STARD9: variants seen among roughly 807,000 people sequenced by gnomAD.
The protein encoded by STARD9 is stAR-related lipid transfer protein 9.
Under a neutral mutation model 399.8 loss-of-function variants are expected in STARD9, and 346 were observed. That is an observed-to-expected ratio of 0.87 (90% CI 0.79 to 0.95). The LOEUF (loss-of-function observed/expected upper bound fraction) is 0.95. Ranked by LOEUF, STARD9 falls within the 40% of genes least tolerant of loss-of-function variation. The pLI, the probability that STARD9 is intolerant of heterozygous loss-of-function variation, is 0.00. For missense variants in STARD9, 5,832 were observed against 5,667.5 expected (o/e 1.03, Z -0.93); for synonymous variants, 2,203 against 2,143.5 (o/e 1.03, Z -0.77).
At chr15:42,615,192 TAGAG>T (rs1275589551) in intron 3 of STARD9, among the ~76,000 whole-genome samples, 2 of 151,880 alleles carry the variant, frequency 1.3e-5, no homozygotes, top group African/African-American at 2.4e-5. Context: ...GTATTTTTAG[TAGAG>T]AGAGCGTTTC....
rs2060799478 is a variant in STARD9, at chr15:42,694,616, C to T, written c.12853C>T (p.Gln4285Ter). 6.5e-7 allele frequency: 1 copy of T among 1,537,216 alleles called. No homozygotes were observed. Among genetic ancestry groups the T allele is most frequent in the Non-Finnish European group, 8.7e-7 (1 of 1,146,902 alleles). ...CRTRSLSPQKQLSLLPNKDLF... is the reference protein window; with the variant it reads ...CRTRSLSPQK ...GACGCGAAGCCTTAGCCCTCAGAAA[C>T]AACTGAGCCTCCTGCCCAACAAAGA... Residue 4285 changes from glutamine to a stop codon, truncating the protein, a stop_gained, in exon 24 of 33, where the codon CAA (glutamine) becomes TAA (stop). Transcript: ENST00000290607. LOFTEE classifies it high-confidence loss of function.
Position 42,638,181 on chromosome 15 carries a change from C to CA in STARD9, c.446+94_446+95insA, listed in dbSNP as rs1341348588. On this transcript the variant is annotated intron_variant, in intron 6 of 32. Transcript: ENST00000290607. ...TGTCCTCTCTTTGCTTCCAGAGTCA[C>CA]CACAGGGATGGAGAAAAGCCACAGA... The CA allele has an allele frequency of 2.7e-6, 3 of 1,109,632 alleles. No homozygotes were observed. The African/African-American group carries it at 4.7e-5, about 17-fold the overall frequency. 68.7% of individuals were successfully genotyped at this position (1,109,632 alleles called of 1,614,324 possible). A position where few individuals can be genotyped will look rare whatever the true frequency, so the allele number is the denominator to read the frequency against.
At chr15:42,694,823 A>G (rs1480373860) in intron 24 of STARD9, 98 bp downstream of exon 24, 6 of 756,000 alleles carry the variant, frequency 7.9e-6, no homozygotes, top group African/African-American at 3.6e-5. Flanking sequence ...AGGGTTCTCT[A>G]TAGGAGACAG....
chr15:42,594,122 T>G (rs1046882904), intron 3 of STARD9, among the ~76,000 whole-genome samples: 1 of 152,144 alleles, frequency 6.6e-6, no homozygotes, highest in Non-Finnish European at 1.5e-5. Flanking sequence ...GAGTGTGCTA[T>G]AGATTCTTTG....
rs1286711907 is a variant in STARD9, at chr15:42,634,962, T to A, written c.341T>A (p.Leu114Gln). The change falls in exon 4 of 33, where the codon CTG becomes CAG. Residue 114 changes from leucine (L) to glutamine (Q), a missense_variant. Coordinates refer to ENST00000290607, the MANE Select transcript of STARD9 (RefSeq NM_020759.3). ...GGCTCTGGGAAGACATATACCATGC[T>A]GGGGACCCCAGTGAGTATTACAATG... Reference protein sequence around the residue: ...QTGSGKTYTMLGTPASVGLTP... With the variant: ...QTGSGKTYTMQGTPASVGLTP... The A allele has an allele frequency of 6.5e-7, 1 of 1,531,974 alleles. No homozygotes were observed. The highest frequency in any genetic ancestry group is 8.8e-7 in the Non-Finnish European group (1 of 1,142,620). 94.9% of individuals were successfully genotyped at this position (1,531,974 alleles called of 1,614,324 possible).
chr15:42,680,335 C>T (rs985065879), intron 20 of STARD9, among the ~76,000 whole-genome samples: 1 of 152,012 alleles, frequency 6.6e-6, no homozygotes, highest in African/African-American at 2.4e-5. Flanking sequence ...CGTGGTGGCT[C>T]ATGCCTGTAG....
chr15:42,716,949 TTGC>T lies in STARD9; in HGVS notation c.13401_13403del (p.Cys4468del). Reference sequence around the variant, plus strand: ...TAGGCCACAGAGCCTCCCTGGGCAGTTGCTGCTGTTCACCATCCAGTCTGTCCA... The same window carrying T: ...TAGGCCACAGAGCCTCCCTGGGCAGTTGCTGTTCACCATCCAGTCTGTCCA... On this transcript the variant is annotated inframe_deletion, in exon 28 of 33. Coordinates refer to ENST00000290607, the MANE Select transcript of STARD9 (RefSeq NM_020759.3). 6.5e-7 allele frequency: 1 copy of T among 1,537,216 alleles called. No homozygotes were observed. Among genetic ancestry groups the T allele is most frequent in the Non-Finnish European group, 8.7e-7 (1 of 1,146,884 alleles).
At chr15:42,717,167 T>C in intron 28 of STARD9, 119 bp downstream of exon 28, 4 of 1,093,072 alleles carry the variant, frequency 3.7e-6, no homozygotes, top group Non-Finnish European at 3.9e-6. Context: ...TGTGGGCATC[T>C]TCAGTGGTTC....
intron 1 of STARD9, among the ~76,000 whole-genome samples, chr15:42,579,186 A>C (rs1214326362): frequency 6.6e-6 from 1 of 152,202 alleles, no homozygotes; most frequent in Non-Finnish European, 1.5e-5. Flanking sequence ...AGGGTCAGAG[A>C]AAAGAATGAG....
intron 2 of STARD9, among the ~76,000 whole-genome samples, chr15:42,585,063 T>C (rs776525356): frequency 9.9e-5 from 15 of 152,156 alleles, no homozygotes; most frequent in Admixed American, 2.0e-4. Flanking sequence ...GTTTATAAAG[T>C]GTATATGAAA....
At chr15:42,648,501 A>G (rs2059690339) in intron 7 of STARD9, among the ~76,000 whole-genome samples, 1 of 152,234 alleles carries the variant, frequency 6.6e-6, no homozygotes, top group South Asian at 2.1e-4. Context: ...CACTGAGTAC[A>G]GAATTTTAAA....
chr15:42,684,583 C>A lies in STARD9; in HGVS notation c.3005C>A (p.Ala1002Asp). Residue 1002 changes from alanine to aspartate, a missense_variant, in exon 23 of 33, where the codon GCT (alanine) becomes GAT (aspartate). Around this residue, in one of 2 missense-constraint regions of STARD9, gnomAD observed 5,828 missense variants for 5,651.1 expected, o/e 1.03. Coordinates refer to ENST00000290607, the MANE Select transcript of STARD9 (RefSeq NM_020759.3). ...GGGAACCTTGGGACCCACAAGGCTG[C>A]TAAGGGAGCCAGTTGCAATTCCTTG... ...KEGNLGTHKA[A>D]KGASCNSLYP... is the part of the protein sequence containing the mutation. 2.0e-6 allele frequency: 3 copies of A among 1,537,220 alleles called. No homozygotes were observed. Among genetic ancestry groups the A allele is most frequent in the Non-Finnish European group, 2.6e-6 (3 of 1,146,898 alleles).
chr15:42,692,383 G>A lies in STARD9; in HGVS notation c.10805G>A (p.Ser3602Asn). Residue 3602 changes from serine to asparagine, a missense_variant, in exon 23 of 33, where the codon AGT becomes AAT. Ser to Asn is a conservative substitution (Grantham distance 46). Around this residue, in one of 2 missense-constraint regions of STARD9, gnomAD observed 5,828 missense variants for 5,651.1 expected, o/e 1.03. Coordinates refer to ENST00000290607, the MANE Select transcript of STARD9 (RefSeq NM_020759.3). ...TCTGGTGAAGCAGACTGTCTGAGGA[G>A]TAAGCCCCCCTTGGCCAAAGGAAGT... ...GPSGEADCLR[S>N]KPPLAKGSAA... 2 of 1,537,002 alleles carry A rather than the reference G, an allele frequency of 1.3e-6. No homozygotes were observed. Among genetic ancestry groups the A allele is most frequent in the East Asian group, 2.4e-5 (1 of 40,916 alleles).
chr15:42,682,264 G>C lies in STARD9; in HGVS notation c.2226G>C (p.Gln742His), dbSNP rs749515273. ...AGCCATCCCCATTTGTCCAAAGTCA[G>C]AAAAGGGTGGTGCACCTGCAGCTCC... ...EIQPSPFVQS[Q>H]KRVVHLQLLR... The change falls in exon 22 of 33, where the codon CAG (glutamine) becomes CAC (histidine). Residue 742 changes from glutamine (Q) to histidine (H), a missense_variant. By Grantham distance (24) the Gln-to-His change is conservative (BLOSUM62 0). Around this residue, in one of 2 missense-constraint regions of STARD9, gnomAD observed 5,828 missense variants for 5,651.1 expected, o/e 1.03. Coordinates refer to ENST00000290607, the MANE Select transcript of STARD9 (RefSeq NM_020759.3). 9.1e-6 allele frequency: 14 copies of C among 1,537,240 alleles called. 2 individuals carry two copies. In the South Asian group the frequency reaches 1.7e-4, roughly 18 times the overall value.
chr15:42,651,380 AG>A (rs1026403274), intron 8 of STARD9, among the ~76,000 whole-genome samples: 3 of 152,222 alleles, frequency 2.0e-5, no homozygotes, highest in African/African-American at 2.4e-5. Context: ...TTTGGAAGAA[AG>A]GGTTCTTACC....
intron 3 of STARD9, among the ~76,000 whole-genome samples, chr15:42,610,447 C>G (rs1419162604): frequency 2.6e-5 from 4 of 152,212 alleles, no homozygotes; most frequent in African/African-American, 7.2e-5. Context: ...TCAGTGTCCC[C>G]TACTGACTCC....
At chr15:42,613,185 ACTC>A (rs763317493) in intron 3 of STARD9, among the ~76,000 whole-genome samples, 54 of 150,788 alleles carry the variant, frequency 3.6e-4, no homozygotes, top group Non-Finnish European at 5.3e-4. Flanking sequence ...CTCTATATAA[ACTC>A]CTCCTATTTG....
chr15:42,593,151 A>G (rs2058434365), intron 3 of STARD9, among the ~76,000 whole-genome samples: 2 of 152,286 alleles, frequency 1.3e-5, no homozygotes, highest in South Asian at 4.2e-4. Flanking sequence ...CAAGAGAAGC[A>G]AGGCTCATGA....
intron 28 of STARD9, 110 bp downstream of exon 28, chr15:42,717,158 G>T: frequency 1.6e-6 from 2 of 1,222,418 alleles, no homozygotes; most frequent in Non-Finnish European, 2.3e-6. Context: ...CCCAAGGCTT[G>T]TGGGCATCTT....
Sources: allele counts gnomAD v4.1 joint callset (sites outside exome capture counted in the v4.1 genomes callset), GRCh38; gene constraint gnomAD v4.1.1; regional missense constraint gnomAD v4.1.1; transcripts MANE v1.5; gene names NCBI Gene and HGNC (gene_info 2026-07-23, HGNC 2026-07-21).